Variants in PTCH2 observed in about 807,000 individuals in gnomAD.
The protein encoded by PTCH2 is patched 2.
Under a neutral mutation model 117.9 loss-of-function variants are expected in PTCH2, and 96 were observed. The observed-to-expected ratio is 0.81, with a 90% CI of 0.69 to 0.96. PTCH2 has a LOEUF of 0.96. PTCH2 is among the 50% of genes least tolerant of loss of function. PTCH2 has a pLI of 0.00. For synonymous variants in PTCH2, 615 were observed against 660.9 expected (o/e 0.93, Z 1.06); for missense variants, 1,379 against 1,562.5 (o/e 0.88, Z 1.98).
intron 2 of PTCH2, among the ~76,000 whole-genome samples, chr1:44,836,005 A>C (rs1413726004): frequency 1.3e-5 from 2 of 152,174 alleles, no homozygotes; most frequent in African/African-American, 2.4e-5. Context: ...AAGGGGACTG[A>C]CTTGGCCAGA....
rs11573574 is a variant in PTCH2, at chr1:44,831,911, C to T, written c.525+64G>A. ...CAGATTGCAGGCTGTGGGGCTTGCT[C>T]GGTCTCTGAGTCCTCCCACGCTACA... On this transcript the variant is annotated intron_variant, in intron 4 of 21. Transcript: ENST00000372192. This position sits in a 1 kb window ranked among gnomAD's most constrained non-coding sequence, Gnocchi z 4.3. 2.2e-3 allele frequency: 3,491 copies of T among 1,573,510 alleles called. 70 individuals carry two copies. In the African/African-American group the frequency reaches 0.04, roughly 18 times the overall value.
chr1:44,822,003 T>C lies in PTCH2; in HGVS notation c.*412A>G, dbSNP rs1652929857. ...ACTTTCATCATAGCTAACATGTATG[T>C]ATACTACAAAAATAGACATTTTCAT... On this transcript the variant is annotated 3_prime_UTR_variant, in exon 22 of 22. Coordinates refer to ENST00000372192, the MANE Select transcript of PTCH2 (RefSeq NM_003738.5). 4 of 1,310,164 alleles carry C rather than the reference T, an allele frequency of 3.1e-6. No individual in the cohort carries two copies. Among genetic ancestry groups the C allele is most frequent in the African/African-American group, 3.0e-5 (2 of 65,688 alleles). 81.2% of individuals were successfully genotyped at this position (1,310,164 alleles called of 1,614,324 possible).
At chr1:44,834,153 C>T (rs1254818054) in intron 2 of PTCH2, among the ~76,000 whole-genome samples, 1 of 148,488 alleles carries the variant, frequency 6.7e-6, no homozygotes, top group Non-Finnish European at 1.5e-5. Flanking sequence ...GAGTTTCGCT[C>T]TTATTGCCCA....
rs1653324416 is a variant in PTCH2 at position 44,829,413 on chromosome 1, A to G, written c.1204T>C (p.Tyr402His). 1 of 1,614,068 alleles carries G rather than the reference A, an allele frequency of 6.2e-7. No individual in the cohort carries two copies. The highest frequency in any genetic ancestry group is 1.3e-5 in the African/African-American group (1 of 74,928). The change falls in exon 9 of 22, where the codon TAT becomes CAT. Residue 402 changes from tyrosine (Y) to histidine (H), a missense_variant. Coordinates refer to ENST00000372192, the MANE Select transcript of PTCH2 (RefSeq NM_003738.5). ...EVSAARVVGG[Y>H]LLMLAYACVT... ...GGTGCAAGACCCACCATGAGCAGATAGCCTCCCACCACACGGGCAGCACTG... is the reference window on the plus strand; with the variant it reads ...GGTGCAAGACCCACCATGAGCAGATGGCCTCCCACCACACGGGCAGCACTG...
chr1:44,828,243 G>A, intron 13 of PTCH2, 52 bp from the exon 14 acceptor site: 3 of 1,612,716 alleles, frequency 1.9e-6, no homozygotes, highest in Non-Finnish European at 2.5e-6. Context: ...ATGCTGGTGA[G>A]GGGACAGGCT....
At chr1:44,824,679 T>C (rs942562762) in intron 19 of PTCH2, among the ~76,000 whole-genome samples, 1 of 151,844 alleles carries the variant, frequency 6.6e-6, no homozygotes. Flanking sequence ...TTAAAAAAAA[T>C]TTTTTTTCTT....
chr1:44,833,560 C>CT (rs1196373994), intron 2 of PTCH2, among the ~76,000 whole-genome samples: 1 of 151,780 alleles, frequency 6.6e-6, no homozygotes. Context: ...CCTCAGCCTC[C>CT]CAAGTGGCTG....
intron 19 of PTCH2, among the ~76,000 whole-genome samples, chr1:44,825,360 A>G (rs553573601): frequency 1.3e-5 from 2 of 149,872 alleles, no homozygotes; most frequent in East Asian, 3.9e-4. Flanking sequence ...CTGGTCTTGA[A>G]CTCCTGACCT....
At chr1:44,819,979 T>G (rs542534618), downstream of PTCH2, 3 of 155,002 alleles carry the variant, frequency 1.9e-5, no homozygotes, top group Non-Finnish European at 2.9e-5. Context: ...TTATGCGCTT[T>G]GAAGAGAAAC....
chr1:44,822,129 T>C lies in PTCH2; in HGVS notation c.*286A>G. 1 of 1,401,814 alleles carries C rather than the reference T, an allele frequency of 7.1e-7. No individual in the cohort carries two copies. Among genetic ancestry groups the C allele is most frequent in the Non-Finnish European group, 9.3e-7 (1 of 1,080,008 alleles). The allele number at this position is 1,401,814 out of a possible 1,614,324, so 86.8% of individuals were successfully genotyped here. On this transcript the variant is annotated 3_prime_UTR_variant, in exon 22 of 22. Transcript: ENST00000372192. ...GGAGGGTCCCTCAGGCTTGGTCAGC[T>C]GGGCAGGCAGTGGTGTGGGGTGGGA...
chr1:44,834,756 T>G (rs758212908), intron 2 of PTCH2, among the ~76,000 whole-genome samples: 1 of 152,174 alleles, frequency 6.6e-6, no homozygotes, highest in Non-Finnish European at 1.5e-5. Context: ...TGGGATGCAT[T>G]GTGGTGCAGA....
chr1:44,839,361 CAAAAAAAAAAAA>C (rs57053705), intron 2 of PTCH2, among the ~76,000 whole-genome samples: 1 of 75,658 alleles, frequency 1.3e-5, no homozygotes, highest in East Asian at 3.4e-4. Context: ...GACTTACTCT[CAAAAAAAAAAAA>C]AAAAAAAAAA....
At chr1:44,842,757 C>T (rs577179163) in intron 1 of PTCH2, 104 bp downstream of exon 1, 4 of 1,184,824 alleles carry the variant, frequency 3.4e-6, no homozygotes, top group Middle Eastern at 1.9e-4. Context: ...TGCCTTCAGA[C>T]ATCTAATGAC....
chr1:44,824,500 A>T (rs1175982937), intron 19 of PTCH2, among the ~76,000 whole-genome samples: 5 of 139,598 alleles, frequency 3.6e-5, no homozygotes, highest in Admixed American at 7.1e-5. Context: ...CTACCATCCC[A>T]TTTTTTTTTT....
Position 44,843,073 on chromosome 1 carries a change from G to A in PTCH2, c.-141C>T. ...AAGGCGCGGGCGTGGGAGAGACTGT[G>A]GGGTGTGGGTGTTAAAGCGGCTGGG... is the stretch of plus-strand genomic sequence containing the variant. On this transcript the variant is annotated 5_prime_UTR_variant, in exon 1 of 22. Transcript: ENST00000372192. 7.1e-7 allele frequency: 1 copy of A among 1,415,966 alleles called. No individual in the cohort carries two copies. The highest frequency in any genetic ancestry group is 9.2e-7 in the Non-Finnish European group (1 of 1,089,414). The allele number at this position is 1,415,966 out of a possible 1,614,324, so 87.7% of individuals were successfully genotyped here.
intron 2 of PTCH2, among the ~76,000 whole-genome samples, chr1:44,837,443 A>G (rs946956733): frequency 6.6e-6 from 1 of 152,100 alleles, no homozygotes; most frequent in Admixed American, 6.6e-5. Flanking sequence ...TAGTAGAGAC[A>G]AGGTTTTGCC....
intron 2 of PTCH2, among the ~76,000 whole-genome samples, chr1:44,840,888 T>C (rs897776492): frequency 2.0e-5 from 3 of 151,344 alleles, no homozygotes; most frequent in South Asian, 4.2e-4. Context: ...AGTGAGATTC[T>C]GTCTCCAAAA....
Position 44,823,030 on chromosome 1 carries a change from G to C in PTCH2, c.3357+39C>G. 2 of 1,592,322 alleles carry C rather than the reference G, an allele frequency of 1.3e-6. No individual in the cohort carries two copies. The highest frequency in any genetic ancestry group is 1.1e-5 in the South Asian group (1 of 88,824). On this transcript the variant is annotated intron_variant, in intron 21 of 21. Coordinates refer to ENST00000372192, the MANE Select transcript of PTCH2 (RefSeq NM_003738.5). This position sits in a 1 kb window ranked among gnomAD's most constrained non-coding sequence, Gnocchi z 5.1. ...CTTGCCTCTCCCTACCCCGTCCCTT[G>C]GGCTGGGAGTAGAGGGATGGTGCCG...
chr1:44,819,996 A>G (rs1040095238), downstream of PTCH2: 5 of 156,898 alleles, frequency 3.2e-5, no homozygotes, highest in South Asian at 3.2e-4. Flanking sequence ...AAACCCGAGT[A>G]TATTCGTGAC....
Sources: allele counts gnomAD v4.1 joint callset (sites outside exome capture counted in the v4.1 genomes callset), GRCh38; gene constraint gnomAD v4.1.1; non-coding constraint Gnocchi (gnomAD v3.1); transcripts MANE v1.5; gene names NCBI Gene and HGNC (gene_info 2026-07-23, HGNC 2026-07-21).